Variants in CDKN2C observed in about 807,000 individuals in gnomAD.
CDKN2C encodes cyclin-dependent kinase 4 inhibitor C.
Under a neutral mutation model 11.0 loss-of-function variants are expected in CDKN2C, and 5 were observed. The observed-to-expected ratio is 0.45, with a 90% CI of 0.24 to 0.95. The LOEUF is 0.95. Among genes scored for constraint, CDKN2C ranks in the 40% least tolerant of loss-of-function variants. The probability of loss-of-function intolerance (pLI) is 0.21; values close to 1 mark genes in which losing one functional copy is unlikely to be tolerated. For synonymous variants in CDKN2C, 79 were observed against 88.3 expected, an observed-to-expected ratio of 0.89 and a Z score of 0.59; for missense variants, 161 against 211.9, an observed-to-expected ratio of 0.76 and a Z score of 1.49.
Position 50,974,430 on chromosome 1 carries a change from AT to A in CDKN2C, c.*161del. 1 of 608,716 alleles carries A rather than the reference AT, an allele frequency of 1.6e-6. No individual in the cohort carries two copies. The highest frequency in any genetic ancestry group is 2.6e-6 in the Non-Finnish European group (1 of 387,726). The allele number at this position is 608,716 out of a possible 1,614,324, so 37.7% of individuals were successfully genotyped here. ...AAAATCTTACAACAGGCTTATGAAT[AT>A]ATTTAAGCAACATCTTTTTAACCTG... is the stretch of plus-strand genomic sequence containing the variant. On this transcript the variant is annotated 3_prime_UTR_variant, in exon 2 of 2. Coordinates refer to ENST00000371761, the MANE Select transcript of CDKN2C (RefSeq NM_078626.3).
At chr1:50,967,119 C>T (rs1645350479), upstream of CDKN2C, among the ~76,000 whole-genome samples, 1 of 152,186 alleles carries the variant, frequency 6.6e-6, no homozygotes, top group African/African-American at 2.4e-5. Context: ...TGCTAGAAGG[C>T]AATCCTCATA....
chr1:50,969,962 C>G (rs895698717), upstream of CDKN2C: 3 of 271,830 alleles, frequency 1.1e-5, no homozygotes, highest in Non-Finnish European at 2.1e-5. This position sits in a 1 kb window ranked among gnomAD's most constrained non-coding sequence, Gnocchi z 6.6. Flanking sequence ...CTGCCCCGAT[C>G]TATAGTCCCT....
At chr1:50,964,039 C>G (rs897018907) in intron 1 of CDKN2C, among the ~76,000 whole-genome samples, 7 of 151,820 alleles carry the variant, frequency 4.6e-5, no homozygotes, top group Non-Finnish European at 1.5e-5. Flanking sequence ...TTTTAGAATA[C>G]TTCCAAAGAC....
At chr1:50,963,607 A>C (rs2124775264) in intron 1 of CDKN2C, among the ~76,000 whole-genome samples, 1 of 152,328 alleles carries the variant, frequency 6.6e-6, no homozygotes, top group East Asian at 1.9e-4. Context: ...AGTTTATACC[A>C]TTCCCAAAGA....
chr1:50,964,979 G>A (rs958955714), intron 1 of CDKN2C, among the ~76,000 whole-genome samples: 2 of 152,074 alleles, frequency 1.3e-5, no homozygotes, highest in Non-Finnish European at 2.9e-5. Context: ...CTTGAACCTA[G>A]GAGGCAGAGA....
upstream of CDKN2C, chr1:50,969,930 G>T (rs912138791): frequency 2.1e-5 from 5 of 243,130 alleles, no homozygotes; most frequent in African/African-American, 8.9e-5. The surrounding 1 kb of genome is among the most constrained non-coding windows in gnomAD (Gnocchi z 6.6). Context: ...CCCCCTGAAT[G>T]TCTTTCCTTC....
At chr1:50,962,365 G>A (rs1441218476) in intron 1 of CDKN2C, among the ~76,000 whole-genome samples, 2 of 152,184 alleles carry the variant, frequency 1.3e-5, no homozygotes, top group East Asian at 3.8e-4. Flanking sequence ...CAGCCTGGGT[G>A]ACAGAGTAAA....
At position 50,970,428 on chromosome 1, in the gene CDKN2C, A is replaced by G; in HGVS notation, c.60A>G (p.Gln20=). 6.2e-7 allele frequency: 1 copy of G among 1,614,192 alleles called. No homozygotes were observed. Among genetic ancestry groups the G allele is most frequent in the Non-Finnish European group, 8.5e-7 (1 of 1,180,026 alleles). The change falls in exon 1 of 2, where the codon CAA becomes CAG. Residue 20 remains glutamine (Q), a synonymous_variant. Coordinates refer to ENST00000371761, the MANE Select transcript of CDKN2C (RefSeq NM_078626.3). ...CAGCTGCCAGGGGGGACCTAGAGCA[A>G]CTTACTAGTTTGTTGCAAAATAATG... ...ASAAARGDLE[Q]LTSLLQNNVN...
chr1:50,973,834 T>A (rs66462949), intron 1 of CDKN2C, 59 bp from the exon 2 acceptor site: 24,006 of 1,588,730 alleles, frequency 0.015, 232 homozygotes, highest in Middle Eastern at 0.019. Context: ...GCAGATATTT[T>A]AAAATATCTC....
Position 50,974,417 on chromosome 1 carries a change from C to T in CDKN2C, c.*147C>T, listed in dbSNP as rs1215630489. 6.4e-5 allele frequency: 46 copies of T among 723,068 alleles called. No individual in the cohort carries two copies. The highest frequency in any genetic ancestry group is 1.1e-5 in the Non-Finnish European group (5 of 474,750). The allele number at this position is 723,068 out of a possible 1,614,324, so 44.8% of individuals were successfully genotyped here. A position where few individuals can be genotyped will look rare whatever the true frequency, so the allele number is the denominator to read the frequency against. ...AACTGCATAAGTGAAAATCTTACAA[C>T]AGGCTTATGAATATATTTAAGCAAC... On this transcript the variant is annotated 3_prime_UTR_variant, in exon 2 of 2. Transcript: ENST00000371761.
intron 1 of CDKN2C, among the ~76,000 whole-genome samples, chr1:50,971,067 G>A (rs1009974415): frequency 3.3e-5 from 5 of 152,180 alleles, no homozygotes; most frequent in Admixed American, 6.5e-5. Context: ...TTCAGGAGTC[G>A]GGAGGAATAA....
chr1:50,965,340 A>C (rs1370527440), upstream of CDKN2C, among the ~76,000 whole-genome samples: 1 of 152,042 alleles, frequency 6.6e-6, no homozygotes, highest in Non-Finnish European at 1.5e-5. Flanking sequence ...TCTACTAAAA[A>C]TACAAAAATT....
chr1:50,969,526 C>G (rs960457231), upstream of CDKN2C: 1 of 152,136 alleles, frequency 6.6e-6, no homozygotes, highest in Non-Finnish European at 1.5e-5. The surrounding 1 kb of genome is among the most constrained non-coding windows in gnomAD (Gnocchi z 6.6). Flanking sequence ...AGACGCGCGC[C>G]GAGCCCGGCT....
At chr1:50,965,057 T>TATAG (rs71578051) in intron 1 of CDKN2C, among the ~76,000 whole-genome samples, 76,534 of 147,098 alleles carry the variant, frequency 0.52, 20,004 homozygotes, top group Middle Eastern at 0.54. Flanking sequence ...GTCTCAAAAA[T>TATAG]ATAGATAGAT....
chr1:50,963,991 ATAT>A (rs1645336402), intron 1 of CDKN2C, among the ~76,000 whole-genome samples: 1 of 151,604 alleles, frequency 6.6e-6, no homozygotes, highest in African/African-American at 2.4e-5. Flanking sequence ...TAAATAATAA[ATAT>A]TATTTATATT....
intron 1 of CDKN2C, 120 bp downstream of exon 1, chr1:50,970,617 TG>T: frequency 8.4e-7 from 1 of 1,187,642 alleles, no homozygotes; most frequent in Non-Finnish European, 1.3e-6. Flanking sequence ...TAAACCTAGT[TG>T]GTTGCCATAT....
chr1:50,967,760 G>A (rs1261588262), upstream of CDKN2C, among the ~76,000 whole-genome samples: 1 of 152,150 alleles, frequency 6.6e-6, no homozygotes, highest in Non-Finnish European at 1.5e-5. Flanking sequence ...AAAGGATTAG[G>A]AGAGAGACCA....
At chr1:50,965,057 T>TATAGATAGATAG (rs71578051) in intron 1 of CDKN2C, among the ~76,000 whole-genome samples, 6,290 of 147,258 alleles carry the variant, frequency 0.043, 155 homozygotes, top group African/African-American at 0.051. Context: ...GTCTCAAAAA[T>TATAGATAGATAG]ATAGATAGAT....
At chr1:50,963,174 T>C (rs1645333531) in intron 1 of CDKN2C, among the ~76,000 whole-genome samples, 1 of 152,236 alleles carries the variant, frequency 6.6e-6, no homozygotes, top group Non-Finnish European at 1.5e-5. Flanking sequence ...TTTACTATCT[T>C]TACAACACAA....
Sources: gnomAD v4.1 joint callset for allele counts (sites outside exome capture counted in the v4.1 genomes callset) on GRCh38, gnomAD v4.1.1 for gene constraint, Gnocchi (gnomAD v3.1) non-coding constraint, MANE v1.5 for transcripts, NCBI Gene and HGNC (gene_info 2026-07-23, HGNC 2026-07-21) for gene names.